KCNN2: variants seen among roughly 807,000 people sequenced by gnomAD.
KCNN2 encodes small conductance calcium-activated potassium channel protein 2.
KCNN2 carries 24 observed loss-of-function variants against 55.5 expected under a neutral mutation model. The observed-to-expected ratio is 0.43, with a 90% CI of 0.31 to 0.61. The LOEUF is 0.61. Among genes scored for constraint, KCNN2 ranks in the 20% least tolerant of loss-of-function variants. The probability of loss-of-function intolerance (pLI) is 0.08; values close to 1 mark genes in which losing one functional copy is unlikely to be tolerated. For synonymous variants in KCNN2, 431 were observed against 336.1 expected, an observed-to-expected ratio of 1.28 and a Z score of -3.09; for missense variants, 754 against 853.6, an observed-to-expected ratio of 0.88 and a Z score of 1.45.
chr5:114,251,880 CTTT>C (rs200692821), intron 2 of KCNN2, among the ~76,000 whole-genome samples: 6 of 133,314 alleles, frequency 4.5e-5, no homozygotes, highest in Non-Finnish European at 6.5e-5. Context: ...TTTTCTTTTT[CTTT>C]TTTTTTTTTT....
chr5:114,357,110 T>A (rs1424595675), upstream of KCNN2, among the ~76,000 whole-genome samples: 1 of 151,988 alleles, frequency 6.6e-6, no homozygotes, highest in African/African-American at 2.4e-5. Flanking sequence ...GGGAAACAGA[T>A]GCCAGGGACC....
intron 4 of KCNN2, among the ~76,000 whole-genome samples, chr5:114,468,812 CT>C (rs1761571773): frequency 6.6e-6 from 1 of 152,112 alleles, no homozygotes; most frequent in Non-Finnish European, 1.5e-5. Flanking sequence ...AGGAATTTCT[CT>C]TTTTCATAGG....
intron 1 of KCNN2, among the ~76,000 whole-genome samples, chr5:114,101,769 CT>C (rs112512105): frequency 6.6e-6 from 1 of 151,998 alleles, no homozygotes; most frequent in South Asian, 2.1e-4. Flanking sequence ...TGAACTCATC[CT>C]TTTTATGGCT....
At chr5:114,333,420 A>G (rs1756862604) in intron 2 of KCNN2, among the ~76,000 whole-genome samples, 1 of 152,228 alleles carries the variant, frequency 6.6e-6, no homozygotes, top group African/African-American at 2.4e-5. Flanking sequence ...TGTTTATTGT[A>G]AAAGTTACAA....
At chr5:114,357,857 T>A (rs1490257411), upstream of KCNN2, among the ~76,000 whole-genome samples, 2 of 151,828 alleles carry the variant, frequency 1.3e-5, no homozygotes, top group African/African-American at 4.8e-5. Context: ...CAGTTCTAGA[T>A]CCCTGAGGAA....
intron 1 of KCNN2, among the ~76,000 whole-genome samples, chr5:114,079,578 T>G (rs925701647): frequency 1.3e-5 from 2 of 152,136 alleles, no homozygotes; most frequent in African/African-American, 2.4e-5. Flanking sequence ...TAATGCCTAG[T>G]GTATAGGGTC....
intron 1 of KCNN2, among the ~76,000 whole-genome samples, chr5:114,212,804 G>C (rs968824970): frequency 6.6e-6 from 1 of 152,002 alleles, no homozygotes; most frequent in Non-Finnish European, 1.5e-5. Flanking sequence ...TTTGCCATTA[G>C]AGTCCAGATT....
intron 1 of KCNN2, among the ~76,000 whole-genome samples, chr5:114,105,682 G>C (rs1197887814): frequency 6.6e-6 from 1 of 151,876 alleles, no homozygotes; most frequent in African/African-American, 2.4e-5. Flanking sequence ...GTTGCTAATG[G>C]ATTATCATAT....
chr5:114,224,926 G>T (rs1419447265), intron 2 of KCNN2, among the ~76,000 whole-genome samples: 1 of 152,024 alleles, frequency 6.6e-6, no homozygotes, highest in Non-Finnish European at 1.5e-5. Flanking sequence ...GTTTCTTATA[G>T]ATTCTAGATA....
chr5:114,379,483 GAATATATTATATAACATATTATATA>G (rs1758039826), intron 2 of KCNN2, among the ~76,000 whole-genome samples: 2 of 109,366 alleles, frequency 1.8e-5, no homozygotes, highest in African/African-American at 6.3e-5. Flanking sequence ...TATATTTATA[GAATATATTATATAACATATTATATA>G]TTTATAGAAT....
intron 1 of KCNN2, among the ~76,000 whole-genome samples, chr5:114,195,286 C>T (rs567117955): frequency 6.6e-6 from 1 of 150,564 alleles, no homozygotes; most frequent in Non-Finnish European, 1.5e-5. Flanking sequence ...AGTAGTATTG[C>T]CAACTGAACA....
intron 2 of KCNN2, among the ~76,000 whole-genome samples, chr5:114,296,095 T>A (rs1211728001): frequency 6.6e-6 from 1 of 152,222 alleles, no homozygotes; most frequent in East Asian, 1.9e-4. Flanking sequence ...ATCCTCAGAT[T>A]ATCTGGTGGT....
chr5:114,443,768 T>C (rs540834101), intron 3 of KCNN2, among the ~76,000 whole-genome samples: 19 of 152,146 alleles, frequency 1.2e-4, no homozygotes, highest in Non-Finnish European at 2.8e-4. Flanking sequence ...AAATCTATAT[T>C]GTAGTGGGTG....
chr5:114,237,208 A>G (rs1754516109), intron 2 of KCNN2, among the ~76,000 whole-genome samples: 1 of 150,934 alleles, frequency 6.6e-6, no homozygotes, highest in African/African-American at 2.4e-5. Flanking sequence ...CTCTCTCTCA[A>G]AAACTTCACC....
At chr5:114,293,191 C>T (rs1229765280) in intron 2 of KCNN2, among the ~76,000 whole-genome samples, 1 of 152,110 alleles carries the variant, frequency 6.6e-6, no homozygotes, top group Non-Finnish European at 1.5e-5. Flanking sequence ...ATTTCCTTCT[C>T]CTGCCTGACT....
At chr5:114,352,714 G>A (rs189955544) in intron 2 of KCNN2, among the ~76,000 whole-genome samples, 103 of 151,694 alleles carry the variant, frequency 6.8e-4, no homozygotes, top group Non-Finnish European at 1.1e-3. Context: ...TAATATTTAC[G>A]TATTTCTGAA....
intron 2 of KCNN2, among the ~76,000 whole-genome samples, chr5:114,234,274 C>A (rs988039821): frequency 2.6e-5 from 4 of 151,948 alleles, no homozygotes; most frequent in Non-Finnish European, 2.9e-5. Flanking sequence ...TTTTTTCTGT[C>A]TCTCATCCTC....
chr5:114,249,270 T>TTTTA (rs1371401044), intron 2 of KCNN2, among the ~76,000 whole-genome samples: 3 of 95,582 alleles, frequency 3.1e-5, no homozygotes, highest in Admixed American at 1.4e-4. Flanking sequence ...GTATATTTCT[T>TTTTA]TTTCTTTCTT....
chr5:114,283,275 T>G (rs1171474657), intron 2 of KCNN2, among the ~76,000 whole-genome samples: 1 of 152,198 alleles, frequency 6.6e-6, no homozygotes, highest in Non-Finnish European at 1.5e-5. Context: ...ACATGGGTTC[T>G]TCTGATAAAT....
Sources: allele counts gnomAD v4.1 joint callset (sites outside exome capture counted in the v4.1 genomes callset), GRCh38; gene constraint gnomAD v4.1.1; transcripts MANE v1.5; gene names NCBI Gene and HGNC (gene_info 2026-07-23, HGNC 2026-07-21).